Variants in CACNA1D observed in about 807,000 individuals in gnomAD.
CACNA1D encodes the protein calcium voltage-gated channel subunit alpha1 D, also known as voltage-dependent L-type calcium channel subunit alpha-1D.
Under a neutral mutation model 257.1 loss-of-function variants are expected in CACNA1D, and 55 were observed. That is an observed-to-expected ratio of 0.21 (90% confidence interval 0.17 to 0.27). CACNA1D has a LOEUF of 0.27. CACNA1D is among the 10% of genes least tolerant of loss of function. The probability of loss-of-function intolerance (pLI) is 1.00; values close to 1 mark genes in which losing one functional copy is unlikely to be tolerated. For synonymous variants in CACNA1D, 980 were observed against 1,014.9 expected (o/e 0.97, Z 0.65); for missense variants, 1,876 against 2,784.0 (o/e 0.67, Z 7.34).
intron 11 of CACNA1D, among the ~76,000 whole-genome samples, chr3:53,721,926 C>G (rs723540): frequency 0.23 from 35,323 of 152,058 alleles, 4,262 homozygotes; most frequent in Middle Eastern, 0.26. Flanking sequence ...ATTGCATGAG[C>G]AGATCCACGT....
intron 9 of CACNA1D, among the ~76,000 whole-genome samples, chr3:53,711,860 G>A (rs1306993049): frequency 6.6e-6 from 1 of 152,238 alleles, no homozygotes; most frequent in African/African-American, 2.4e-5. Flanking sequence ...AGAAGAGGAG[G>A]TGGAACTTGC....
rs201587395 is a variant in CACNA1D at position 53,508,314 on chromosome 3, C to CT, written c.483+6603dup. 3.8e-3 allele frequency among the ~76,000 whole-genome samples: 568 copies of CT among 151,448 alleles called. 1 individual carries two copies. The highest frequency in any genetic ancestry group is 0.013 in the African/African-American group (528 of 41,284). On this transcript the variant is annotated intron_variant, in intron 3 of 47. Coordinates refer to ENST00000350061, the MANE Select transcript of CACNA1D (RefSeq NM_001128840.3). The stretch of plus-strand genomic sequence containing the variant: ...TCCTGATGCTCTTCCTCCCACATTT[C>CT]TTTTTTTTTGTTTTTAGCATTTATT...
intron 3 of CACNA1D, among the ~76,000 whole-genome samples, chr3:53,586,510 A>G (rs1248595378): frequency 1.3e-5 from 2 of 152,022 alleles, no homozygotes; most frequent in Non-Finnish European, 2.9e-5. Flanking sequence ...ATCAAAGCCA[A>G]ATTAATCTAC....
intron 3 of CACNA1D, among the ~76,000 whole-genome samples, chr3:53,602,593 T>C (rs2093457911): frequency 2.0e-5 from 3 of 152,266 alleles, no homozygotes; most frequent in Admixed American, 2.0e-4. Context: ...GGGTTCCCCT[T>C]TCTCCATATC....
rs2109026223 is a variant in CACNA1D, at chr3:53,774,568, T to C, written c.4111-19T>C. The C allele has an allele frequency of 6.9e-7, 1 of 1,447,096 alleles. No individual in the cohort carries two copies. The highest frequency in any genetic ancestry group is 2.3e-5 in the East Asian group (1 of 44,168). 89.6% of individuals were successfully genotyped at this position (1,447,096 alleles called of 1,614,324 possible). ...ATGACGAAATCTATTCTCTTTTTCC[T>C]GACAACTTCTCCACCTAGATGTTTG... On this transcript the variant is annotated intron_variant, in intron 33 of 47. Coordinates refer to ENST00000350061, the MANE Select transcript of CACNA1D (RefSeq NM_001128840.3). This position sits in a 1 kb window ranked among gnomAD's most constrained non-coding sequence, Gnocchi z 4.3.
chr3:53,802,556 C>G (rs995067894), intron 43 of CACNA1D, among the ~76,000 whole-genome samples: 1 of 152,242 alleles, frequency 6.6e-6, no homozygotes, highest in African/African-American at 2.4e-5. Context: ...TGACCCAAAC[C>G]TCCTGAAGGT....
intron 9 of CACNA1D, among the ~76,000 whole-genome samples, chr3:53,714,987 G>T (rs2094803329): frequency 6.6e-6 from 1 of 152,212 alleles, no homozygotes; most frequent in African/African-American, 2.4e-5. Flanking sequence ...TTTAATAAAT[G>T]AGGTCTTTGT....
chr3:53,635,938 C>T (rs6786135), intron 3 of CACNA1D, among the ~76,000 whole-genome samples: 93,091 of 152,052 alleles, frequency 0.61, 30,327 homozygotes, highest in African/African-American at 0.84. Flanking sequence ...GAGAGACTGT[C>T]CTTGCTCTAG....
chr3:53,753,673 T>C lies in CACNA1D; in HGVS notation c.3777T>C (p.Phe1259=). Residue 1259 remains phenylalanine (F), a synonymous_variant, in exon 29 of 48, where the codon TTT becomes TTC. Coordinates refer to ENST00000350061, the MANE Select transcript of CACNA1D (RefSeq NM_001128840.3). ...AGATGGTTTTGAAAGTCATCGCATT[T>C]AAGCCTAAGGTGAGTTGCAGAACCC... is the stretch of plus-strand genomic sequence containing the variant. ...TVEMVLKVIA[F]KPKGYFSDAW... 1 of 1,604,894 alleles carries C rather than the reference T, an allele frequency of 6.2e-7. No homozygotes were observed. Among genetic ancestry groups the C allele is most frequent in the Non-Finnish European group, 8.5e-7 (1 of 1,171,456 alleles).
Position 53,553,668 on chromosome 3 carries a change from A to G in CACNA1D, c.483+51948A>G, listed in dbSNP as rs2092580821. Among the ~76,000 whole-genome samples, 7 of 152,248 alleles carry G rather than the reference A, an allele frequency of 4.6e-5. No individual in the cohort carries two copies. In the South Asian group the frequency reaches 1.5e-3, roughly 32 times the overall value. ...CAGTTGTAACAGTGTAATGATAAGTAGGGTCTTTATCCAACCCTATGACAA... is the reference window on the plus strand; with the variant it reads ...CAGTTGTAACAGTGTAATGATAAGTGGGGTCTTTATCCAACCCTATGACAA... On this transcript the variant is annotated intron_variant, in intron 3 of 47. Transcript: ENST00000350061.
chr3:53,762,476 G>C (rs572114885), intron 30 of CACNA1D: 19 of 447,738 alleles, frequency 4.2e-5, no homozygotes, highest in Non-Finnish European at 8.1e-5. Context: ...TTCCCCTTTT[G>C]TAACACTGTC....
At chr3:53,685,004 A>G (rs1408857715) in intron 8 of CACNA1D, among the ~76,000 whole-genome samples, 2 of 152,214 alleles carry the variant, frequency 1.3e-5, no homozygotes, top group East Asian at 1.9e-4. Context: ...AAGAACATAT[A>G]GTACCAACAA....
intron 8 of CACNA1D, among the ~76,000 whole-genome samples, chr3:53,693,752 C>G (rs1025726884): frequency 5.9e-5 from 9 of 152,098 alleles, no homozygotes; most frequent in Non-Finnish European, 1.2e-4. Flanking sequence ...TACTAAAAAT[C>G]TGAGTCCCTA....
chr3:53,685,898 G>T (rs1021342111), intron 8 of CACNA1D, among the ~76,000 whole-genome samples: 10 of 151,712 alleles, frequency 6.6e-5, no homozygotes, highest in African/African-American at 2.4e-4. Context: ...TAAGTCCAAG[G>T]TAAGTAGAAA....
intron 19 of CACNA1D, 101 bp downstream of exon 19, chr3:53,733,063 G>T: frequency 8.3e-7 from 1 of 1,201,588 alleles, no homozygotes; most frequent in East Asian, 2.4e-5. Flanking sequence ...GTGGTTCACA[G>T]CCCTTTCTGA....
chr3:53,743,200 G>T, intron 22 of CACNA1D, 83 bp downstream of exon 22: 2 of 846,800 alleles, frequency 2.4e-6, no homozygotes, highest in South Asian at 2.8e-5. Context: ...TAAAGGCTGG[G>T]CATCATTTTC....
chr3:53,518,972 T>C (rs900814816), intron 3 of CACNA1D, among the ~76,000 whole-genome samples: 21 of 152,210 alleles, frequency 1.4e-4, no homozygotes, highest in African/African-American at 4.3e-4. Flanking sequence ...CTGGCCTGAC[T>C]TTCTCCTTGT....
chr3:53,557,770 T>G (rs2092673396), intron 3 of CACNA1D, among the ~76,000 whole-genome samples: 1 of 152,220 alleles, frequency 6.6e-6, no homozygotes, highest in Non-Finnish European at 1.5e-5. Context: ...ACAGATTTAT[T>G]GTAAGTCATA....
intron 3 of CACNA1D, among the ~76,000 whole-genome samples, chr3:53,622,295 C>A (rs1321692637): frequency 6.6e-6 from 1 of 152,200 alleles, no homozygotes; most frequent in African/African-American, 2.4e-5. Flanking sequence ...AAATGATATG[C>A]CCGTTAGGCA....
Sources: gnomAD v4.1 joint callset for allele counts (sites outside exome capture counted in the v4.1 genomes callset) on GRCh38, gnomAD v4.1.1 for gene constraint, Gnocchi (gnomAD v3.1) non-coding constraint, MANE v1.5 for transcripts, NCBI Gene and HGNC (gene_info 2026-07-23, HGNC 2026-07-21) for gene names.